STK10: variants seen among roughly 807,000 people sequenced by gnomAD.
STK10 encodes serine/threonine kinase 10.
STK10 carries 78 observed loss-of-function variants against 113.8 expected under a neutral mutation model. The observed-to-expected ratio is 0.69, with a 90% CI of 0.57 to 0.83. The LOEUF (loss-of-function observed/expected upper bound fraction) is 0.83. Ranked by LOEUF, STK10 falls within the 40% of genes least tolerant of loss-of-function variation. The pLI, the probability that STK10 is intolerant of heterozygous loss-of-function variation, is 0.00. For synonymous variants in STK10, 465 were observed against 494.7 expected (o/e 0.94, Z 0.80); for missense variants, 1,109 against 1,280.1 (o/e 0.87, Z 2.04).
At position 172,044,714 on chromosome 5, in the gene STK10, C is replaced by T. The variant is rs922767090; in HGVS notation, c.*168G>A. ...CCACAGGCCAGCAAGAAGTCAGGAA[C>T]GCTGGGGCAGGTCTATCAGGCACAG... On this transcript the variant is annotated 3_prime_UTR_variant, in exon 19 of 19. Transcript: ENST00000176763. The surrounding 1 kb of genome is among the most constrained non-coding windows in gnomAD (Gnocchi z 4.5). 3.9e-5 allele frequency: 42 copies of T among 1,082,640 alleles called. No individual in the cohort carries two copies. Among genetic ancestry groups the T allele is most frequent in the East Asian group, 7.2e-5 (3 of 41,816 alleles). 67.1% of individuals were successfully genotyped at this position (1,082,640 alleles called of 1,614,324 possible).
intron 2 of STK10, among the ~76,000 whole-genome samples, chr5:172,152,608 T>C (rs1322566090): frequency 6.6e-6 from 1 of 152,256 alleles, no homozygotes; most frequent in Non-Finnish European, 1.5e-5. Flanking sequence ...GGTAGAGACC[T>C]AAATGTATTA....
At chr5:172,114,215 C>A (rs543058231) in intron 4 of STK10, among the ~76,000 whole-genome samples, 2 of 151,484 alleles carry the variant, frequency 1.3e-5, no homozygotes, top group South Asian at 2.1e-4. Context: ...TTTATTCTGG[C>A]AGGATTAGGA....
intron 4 of STK10, among the ~76,000 whole-genome samples, chr5:172,116,179 C>T (rs892600416): frequency 6.6e-6 from 1 of 152,202 alleles, no homozygotes; most frequent in Non-Finnish European, 1.5e-5. Context: ...CTCCTGGGTT[C>T]AAGCGATTCT....
chr5:172,118,010 C>CA (rs57672334), intron 3 of STK10, among the ~76,000 whole-genome samples: 3,928 of 69,184 alleles, frequency 0.057, 163 homozygotes, highest in African/African-American at 0.1. Context: ...TACTCCATCT[C>CA]AAAAAAAAAA....
intron 1 of STK10, among the ~76,000 whole-genome samples, chr5:172,164,134 C>G (rs1376635155): frequency 2.0e-5 from 3 of 150,368 alleles, no homozygotes; most frequent in South Asian, 2.1e-4. Context: ...ATCACTTGAA[C>G]CCGGGAGGCG....
chr5:172,101,334 G>A (rs1768984900), intron 7 of STK10, among the ~76,000 whole-genome samples: 1 of 152,038 alleles, frequency 6.6e-6, no homozygotes, highest in Admixed American at 6.6e-5. Context: ...ACCCAGGCGT[G>A]GTGGTGCATG....
chr5:172,110,982 T>C (rs555149910), intron 4 of STK10, among the ~76,000 whole-genome samples: 1 of 152,230 alleles, frequency 6.6e-6, no homozygotes, highest in African/African-American at 2.4e-5. Context: ...TAGTGCTAAC[T>C]GGACAGCAGT....
At chr5:172,066,774 G>C (rs1026108404) in intron 12 of STK10, among the ~76,000 whole-genome samples, 1 of 152,206 alleles carries the variant, frequency 6.6e-6, no homozygotes, top group East Asian at 1.9e-4. Flanking sequence ...GGGACAGAGC[G>C]AGACTCCGTC....
intron 18 of STK10, among the ~76,000 whole-genome samples, chr5:172,048,406 C>T (rs2113681015): frequency 6.9e-6 from 1 of 144,134 alleles, no homozygotes; most frequent in East Asian, 2.0e-4. Flanking sequence ...TTTCCCTCTC[C>T]CTCTCCCTAC....
chr5:172,090,513 T>A, intron 9 of STK10, 151 bp from the exon 10 acceptor site: 2 of 1,116,858 alleles, frequency 1.8e-6, no homozygotes, highest in African/African-American at 1.6e-5. Flanking sequence ...TGCCTCAACT[T>A]AACCTAGGAG....
intron 2 of STK10, among the ~76,000 whole-genome samples, chr5:172,140,428 G>A (rs139238165): frequency 1.7e-3 from 253 of 152,326 alleles, no homozygotes; most frequent in African/African-American, 5.7e-3. Context: ...CAGGTGTGGT[G>A]GTGCATGCCT....
In STK10 at chr5:172,072,064, C is replaced by G. The variant is rs138680288; in HGVS notation, c.1990-7252G>C. ...TATAAAAAGGAAAATATACAATAACCAAGTGGTTCTTACCCCAAAAAGGCA... is the reference window on the plus strand; with the variant it reads ...TATAAAAAGGAAAATATACAATAACGAAGTGGTTCTTACCCCAAAAAGGCA... On this transcript the variant is annotated intron_variant, in intron 12 of 18. Coordinates refer to ENST00000176763, the MANE Select transcript of STK10 (RefSeq NM_005990.4). Among the ~76,000 whole-genome samples, 434 of 152,080 alleles carry G rather than the reference C, an allele frequency of 2.9e-3. 3 individuals are homozygous for G. The highest frequency in any genetic ancestry group is 0.01 in the African/African-American group (417 of 41,488).
chr5:172,090,187 T>A, intron 10 of STK10, 45 bp downstream of exon 10: 1 of 1,608,554 alleles, frequency 6.2e-7, no homozygotes, highest in South Asian at 1.1e-5. Context: ...CCTCTTACCA[T>A]AGCCCCACCC....
chr5:172,057,049 G>GAAAGAA (rs1767820219), intron 15 of STK10: 1 of 214,070 alleles, frequency 4.7e-6, no homozygotes, highest in Non-Finnish European at 9.1e-6. Flanking sequence ...AAGAAAGAAA[G>GAAAGAA]AAAAGAAGAA....
intron 8 of STK10, among the ~76,000 whole-genome samples, chr5:172,094,579 T>C (rs1234847999): frequency 6.6e-6 from 1 of 152,072 alleles, no homozygotes; most frequent in Non-Finnish European, 1.5e-5. Context: ...GGACAGGGTT[T>C]CAGTATGTCA....
intron 18 of STK10, among the ~76,000 whole-genome samples, chr5:172,047,698 G>A (rs1767520183): frequency 1.3e-5 from 2 of 152,118 alleles, no homozygotes; most frequent in Admixed American, 1.3e-4. Flanking sequence ...CAGAACTGAT[G>A]TACGATGGCA....
chr5:172,058,381 C>A (rs1581134227), intron 14 of STK10, among the ~76,000 whole-genome samples: 1 of 152,158 alleles, frequency 6.6e-6, no homozygotes, highest in South Asian at 2.1e-4. Flanking sequence ...AACTCAAGAA[C>A]CCTGTTTTGC....
At chr5:172,138,093 T>A (rs114813848) in intron 2 of STK10, among the ~76,000 whole-genome samples, 254 of 152,078 alleles carry the variant, frequency 1.7e-3, no homozygotes, top group African/African-American at 5.9e-3. Context: ...ATAAAAGACA[T>A]CTAAATTGGA....
intron 10 of STK10, among the ~76,000 whole-genome samples, chr5:172,084,356 C>T (rs369862929): frequency 6.6e-6 from 1 of 151,844 alleles, no homozygotes; most frequent in Non-Finnish European, 1.5e-5. Context: ...GCCGAGATAG[C>T]GCCACTGCAC....
Sources: gnomAD v4.1 joint callset for allele counts (sites outside exome capture counted in the v4.1 genomes callset) on GRCh38, gnomAD v4.1.1 for gene constraint, Gnocchi (gnomAD v3.1) non-coding constraint, MANE v1.5 for transcripts, NCBI Gene and HGNC (gene_info 2026-07-23, HGNC 2026-07-21) for gene names.